SLC2A9: variants seen among roughly 807,000 people sequenced by gnomAD.
The protein encoded by SLC2A9 is solute carrier family 2 member 9, also known as solute carrier family 2, facilitated glucose transporter member 9.
In SLC2A9, 39 loss-of-function variants were observed where a neutral mutation model predicts 50.6. The observed-to-expected ratio is 0.77, with a 90% CI of 0.60 to 1.01. The LOEUF (loss-of-function observed/expected upper bound fraction) is 1.01, where lower values mean the gene tolerates loss of function less well. Ranked by LOEUF, SLC2A9 falls within the 50% of genes least tolerant of loss-of-function variation. The pLI, the probability that SLC2A9 is intolerant of heterozygous loss-of-function variation, is 0.00. For synonymous variants in SLC2A9, 324 were observed against 276.9 expected, an observed-to-expected ratio of 1.17 and a Z score of -1.69; for missense variants, 686 against 677.6, an observed-to-expected ratio of 1.01 and a Z score of -0.14.
chr4:9,975,717 T>C (rs1197228923), intron 5 of SLC2A9, among the ~76,000 whole-genome samples: 1 of 152,190 alleles, frequency 6.6e-6, no homozygotes, highest in African/African-American at 2.4e-5. Flanking sequence ...AACTTAGAAC[T>C]ACCATTTGAC....
chr4:9,826,673 A>G (rs1577409746), intron 11 of SLC2A9, 73 bp from the exon 12 acceptor site: 1 of 1,374,018 alleles, frequency 7.3e-7, no homozygotes, highest in South Asian at 1.2e-5. Flanking sequence ...CTCTACACAG[A>G]TTTTTAAGAT....
intron 2 of SLC2A9, among the ~76,000 whole-genome samples, chr4:10,015,657 T>C (rs1333066572): frequency 6.6e-6 from 1 of 152,066 alleles, no homozygotes; most frequent in Non-Finnish European, 1.5e-5. Context: ...CTTGCACTCT[T>C]CCTCCCTCTG....
At chr4:9,911,394 G>T (rs1741764962) in intron 7 of SLC2A9, among the ~76,000 whole-genome samples, 1 of 152,148 alleles carries the variant, frequency 6.6e-6, no homozygotes, top group Admixed American at 6.5e-5. Flanking sequence ...ACTGCCTTCA[G>T]CTTTACCTCT....
chr4:9,972,730 C>T (rs918334058), intron 5 of SLC2A9, among the ~76,000 whole-genome samples: 1 of 152,120 alleles, frequency 6.6e-6, no homozygotes, highest in Non-Finnish European at 1.5e-5. Context: ...GCAGAGATCA[C>T]AAATTATTTG....
chr4:9,952,979 A>T (rs1750584955), intron 5 of SLC2A9, among the ~76,000 whole-genome samples: 1 of 152,174 alleles, frequency 6.6e-6, no homozygotes, highest in African/African-American at 2.4e-5. Flanking sequence ...ATGTCCTATA[A>T]CTCTAACAAG....
chr4:9,973,779 T>G (rs1754304782), intron 5 of SLC2A9, among the ~76,000 whole-genome samples: 1 of 150,148 alleles, frequency 6.7e-6, no homozygotes, highest in African/African-American at 2.5e-5. Context: ...AGTTAATGGG[T>G]GCAACACACC....
chr4:9,833,069 T>C (rs534945193), intron 11 of SLC2A9, among the ~76,000 whole-genome samples: 2 of 152,324 alleles, frequency 1.3e-5, no homozygotes, highest in African/African-American at 2.4e-5. Flanking sequence ...AAGTTAACTT[T>C]TGCCACAATA....
At chr4:9,932,361 G>A (rs1462580305) in intron 6 of SLC2A9, among the ~76,000 whole-genome samples, 1 of 152,140 alleles carries the variant, frequency 6.6e-6, no homozygotes, top group African/African-American at 2.4e-5. Flanking sequence ...ACTGCTCTAG[G>A]TGCTGGGGTT....
chr4:9,955,867 AT>A (rs1170286158), intron 5 of SLC2A9, among the ~76,000 whole-genome samples: 229 of 61,654 alleles, frequency 3.7e-3, no homozygotes, highest in South Asian at 0.017. Context: ...AAGCATCTGG[AT>A]TTTTTTTTTT....
At chr4:9,780,389 G>A (rs1338393984) in intron 3 of SLC2A9, among the ~76,000 whole-genome samples, 3 of 152,134 alleles carry the variant, frequency 2.0e-5, no homozygotes, top group Non-Finnish European at 4.4e-5. Flanking sequence ...TCAGGTTTAG[G>A]CACCTGGACA....
chr4:9,858,676 A>G (rs1307500829), intron 10 of SLC2A9, among the ~76,000 whole-genome samples: 1 of 152,234 alleles, frequency 6.6e-6, no homozygotes, highest in Non-Finnish European at 1.5e-5. Context: ...CTAAGGTCCC[A>G]CAGCTAGTAA....
At chr4:9,809,770 G>A (rs1560139451) in intron 3 of SLC2A9, among the ~76,000 whole-genome samples, 2 of 152,012 alleles carry the variant, frequency 1.3e-5, no homozygotes, top group Non-Finnish European at 2.9e-5. Flanking sequence ...ATAAATTACG[G>A]ATATTGCTAT....
rs376900586 is a variant in SLC2A9 at position 10,011,509 on chromosome 4, A to G, written c.249+7466T>C. On this transcript the variant is annotated intron_variant, in intron 2 of 11. Transcript: ENST00000264784. ...CCAGGCACTGCAACATTTTCCTACT[A>G]AAGGTCAACGATTACAATGGCATAA... Among the ~76,000 whole-genome samples the G allele has an allele frequency of 5.9e-5, 9 of 152,336 alleles. No homozygotes were observed. The East Asian group carries it at 9.6e-4, about 16-fold the overall frequency.
intron 4 of SLC2A9, among the ~76,000 whole-genome samples, chr4:9,982,875 G>T (rs995062875): frequency 8.5e-5 from 13 of 152,294 alleles, no homozygotes; most frequent in East Asian, 5.8e-4. Context: ...ATTTATTTAT[G>T]TATTTACTTT....
At chr4:9,810,575 C>T (rs1310857303) in intron 3 of SLC2A9, among the ~76,000 whole-genome samples, 1 of 152,170 alleles carries the variant, frequency 6.6e-6, no homozygotes, top group Non-Finnish European at 1.5e-5. Flanking sequence ...ATGAGCCAGG[C>T]ATGAGCATTT....
rs183659377 is a variant in SLC2A9, at chr4:9,773,938, G to T, written n.182-2569C>A. Among the ~76,000 whole-genome samples the T allele has an allele frequency of 1.7e-3, 259 of 151,658 alleles. 1 individual carries two copies. Among genetic ancestry groups the T allele is most frequent in the Non-Finnish European group, 2.6e-3 (175 of 67,946 alleles). Reference sequence around the variant, plus strand: ...ATTATATTATATTTTGCATCATAAGGTCTTATTGATACACAGAACACTCTC... The same window carrying T: ...ATTATATTATATTTTGCATCATAAGTTCTTATTGATACACAGAACACTCTC... On this transcript the variant is annotated intron_variant and non_coding_transcript_variant, in intron 1 of 1. Coordinates refer to the SLC2A9 transcript ENST00000508585.
At chr4:10,030,742 C>A (rs1441063744) in intron 1 of SLC2A9, among the ~76,000 whole-genome samples, 1 of 152,214 alleles carries the variant, frequency 6.6e-6, no homozygotes, top group African/African-American at 2.4e-5. Flanking sequence ...TGCTAAAAGG[C>A]CTTTCCCATC....
chr4:9,857,752 C>A (rs1009296960), intron 10 of SLC2A9, among the ~76,000 whole-genome samples: 4 of 152,234 alleles, frequency 2.6e-5, no homozygotes, highest in African/African-American at 9.6e-5. Context: ...CCTGGCCCTG[C>A]CTGACTCAGT....
At chr4:9,775,374 C>T (rs1228183844), downstream of SLC2A9, among the ~76,000 whole-genome samples, 19 of 152,302 alleles carry the variant, frequency 1.2e-4, no homozygotes, top group Admixed American at 2.0e-4. Flanking sequence ...GCAGTCTTGG[C>T]TTCCCAGGAG....
Sources: gnomAD v4.1 joint callset for allele counts (sites outside exome capture counted in the v4.1 genomes callset) on GRCh38, gnomAD v4.1.1 for gene constraint, MANE v1.5 for transcripts, NCBI Gene and HGNC (gene_info 2026-07-23, HGNC 2026-07-21) for gene names.